The following CCAR1 variants were observed in gnomAD, a reference collection of about 807,000 sequenced individuals.
CCAR1 encodes cell division cycle and apoptosis regulator 1.
In CCAR1, 78 loss-of-function variants were observed where a neutral mutation model predicts 163.8. The ratio of observed to expected loss-of-function variants is 0.48; its 90% CI spans 0.40 to 0.57. The LOEUF (loss-of-function observed/expected upper bound fraction) is 0.57, where lower values mean the gene tolerates loss of function less well. Among genes scored for constraint, CCAR1 ranks in the 20% least tolerant of loss-of-function variants. The pLI is 0.00. For synonymous variants in CCAR1, 443 were observed against 460.7 expected (o/e 0.96, Z 0.49); for missense variants, 1,019 against 1,365.2 (o/e 0.75, Z 4.00).
intron 17 of CCAR1, among the ~76,000 whole-genome samples, chr10:68,769,412 G>GGAGTTCAA (rs2056573767): frequency 2.0e-5 from 3 of 152,258 alleles, no homozygotes; most frequent in Admixed American, 2.0e-4. Context: ...CCTGAGTTCA[G>GGAGTTCAA]GAGTTCAAGA....
rs965075391 is a variant in CCAR1, at chr10:68,787,248, C to T, written c.2880+556C>T. Among the ~76,000 whole-genome samples, 5 of 151,214 alleles carry T rather than the reference C, an allele frequency of 3.3e-5. No homozygotes were observed. In the East Asian group the frequency reaches 5.8e-4, roughly 17 times the overall value. ...AAACAAAACGTGGAATTATTCTGTA[C>T]GTTTTGACTGGCTTTTTTTTTTTCA... On this transcript the variant is annotated intron_variant, in intron 21 of 24. Transcript: ENST00000265872.
chr10:68,768,072 T>C (rs1399472854), intron 17 of CCAR1, among the ~76,000 whole-genome samples: 1 of 152,226 alleles, frequency 6.6e-6, no homozygotes, highest in Non-Finnish European at 1.5e-5. Context: ...AAATCAATCA[T>C]GCTTCTTTGA....
intron 19 of CCAR1, among the ~76,000 whole-genome samples, chr10:68,776,099 G>A (rs1373833612): frequency 6.6e-6 from 1 of 151,966 alleles, no homozygotes; most frequent in Non-Finnish European, 1.5e-5. Flanking sequence ...AAAGTGCTGG[G>A]TTTATAGGCA....
chr10:68,734,627 G>A (rs927048852), intron 2 of CCAR1, among the ~76,000 whole-genome samples: 3 of 152,012 alleles, frequency 2.0e-5, no homozygotes, highest in Admixed American at 6.6e-5. Flanking sequence ...AGCCTCCTGA[G>A]GTATAATTCA....
intron 15 of CCAR1, among the ~76,000 whole-genome samples, chr10:68,758,556 T>C (rs2056425038): frequency 6.7e-6 from 1 of 149,916 alleles, no homozygotes; most frequent in African/African-American, 2.5e-5. Context: ...ATACAGTGTA[T>C]ACATATATAT....
chr10:68,734,106 A>G (rs1305259014), intron 2 of CCAR1, among the ~76,000 whole-genome samples: 1 of 152,076 alleles, frequency 6.6e-6, no homozygotes, highest in African/African-American at 2.4e-5. Flanking sequence ...GACTTTTTAA[A>G]TAGTTGATGG....
intron 19 of CCAR1, among the ~76,000 whole-genome samples, chr10:68,781,504 C>G (rs977094414): frequency 1.3e-5 from 2 of 152,042 alleles, no homozygotes; most frequent in Non-Finnish European, 2.9e-5. Context: ...TCATGCCATA[C>G]GCTCCAGCCT....
At chr10:68,733,360 A>G (rs1289984766) in intron 2 of CCAR1, among the ~76,000 whole-genome samples, 1 of 152,144 alleles carries the variant, frequency 6.6e-6, no homozygotes, top group African/African-American at 2.4e-5. Flanking sequence ...GCAGTGAGCC[A>G]AGATTCTGCC....
chr10:68,761,897 C>T (rs1017957046), intron 16 of CCAR1, among the ~76,000 whole-genome samples: 2 of 152,126 alleles, frequency 1.3e-5, no homozygotes, highest in South Asian at 2.1e-4. Context: ...CCACTGTGCC[C>T]GGCCATGCAT....
chr10:68,723,001 T>A (rs1287631693), intron 2 of CCAR1, among the ~76,000 whole-genome samples: 1 of 152,184 alleles, frequency 6.6e-6, no homozygotes, highest in African/African-American at 2.4e-5. Context: ...TGTGAATTCA[T>A]TAACTTTCTC....
intron 15 of CCAR1, among the ~76,000 whole-genome samples, chr10:68,758,805 TGGGACTA>T (rs2056433021): frequency 6.6e-6 from 1 of 151,698 alleles, no homozygotes. Flanking sequence ...CCCGAGTAGC[TGGGACTA>T]CAGGCCTGTG....
chr10:68,728,723 G>C (rs765205200), intron 2 of CCAR1, among the ~76,000 whole-genome samples: 1 of 152,166 alleles, frequency 6.6e-6, no homozygotes, highest in African/African-American at 2.4e-5. Flanking sequence ...TGAGAGACCA[G>C]ACAGGTGGAT....
intron 19 of CCAR1, among the ~76,000 whole-genome samples, chr10:68,781,003 G>A (rs893491682): frequency 2.0e-5 from 3 of 152,150 alleles, no homozygotes; most frequent in South Asian, 2.1e-4. Context: ...AGGCTGAGGC[G>A]GGTGGATCAT....
intron 8 of CCAR1, among the ~76,000 whole-genome samples, 168 bp from the exon 9 acceptor site, chr10:68,748,968 G>A (rs1277387715): frequency 1.3e-5 from 2 of 152,080 alleles, no homozygotes; most frequent in Non-Finnish European, 2.9e-5. Flanking sequence ...GTGAGCCACC[G>A]CAGCCGGCCA....
At chr10:68,751,027 G>T (rs1213475093) in intron 10 of CCAR1, among the ~76,000 whole-genome samples, 11 of 146,592 alleles carry the variant, frequency 7.5e-5, no homozygotes, top group African/African-American at 1.0e-4. Context: ...TTTTTTTTTT[G>T]TTTTTGTTTT....
Position 68,733,335 on chromosome 10 carries a change from C to T in CCAR1, c.74-3541C>T, listed in dbSNP as rs376163741. Among the ~76,000 whole-genome samples, 12 of 152,080 alleles carry T rather than the reference C, an allele frequency of 7.9e-5. No individual in the cohort carries two copies. The East Asian group carries it at 9.7e-4, about 12-fold the overall frequency. On this transcript the variant is annotated intron_variant, in intron 2 of 24. Coordinates refer to ENST00000265872, the MANE Select transcript of CCAR1 (RefSeq NM_018237.4). ...CTGAGGGAGGAGGATCACCTGAGTT[C>T]GGGAGGTTGAGGTTGCAGTGAGCCA...
At position 68,747,581 on chromosome 10, in the gene CCAR1, G is replaced by A; in HGVS notation, c.826+15G>A. On this transcript the variant is annotated intron_variant, in intron 8 of 24. Transcript: ENST00000265872. Reference sequence around the variant, plus strand: ...TCAGCAAAAAGGTATCTTTGCTTTTGTTTCAGGCAAATGTATAACTTTTTA... The same window carrying A: ...TCAGCAAAAAGGTATCTTTGCTTTTATTTCAGGCAAATGTATAACTTTTTA... 1 of 1,602,820 alleles carries A rather than the reference G, an allele frequency of 6.2e-7. No homozygotes were observed. Among genetic ancestry groups the A allele is most frequent in the Non-Finnish European group, 8.5e-7 (1 of 1,172,190 alleles).
chr10:68,790,840 T>TA lies in CCAR1; in HGVS notation c.3394-360dup, dbSNP rs931878105. Among the ~76,000 whole-genome samples the TA allele has an allele frequency of 7.2e-4, 99 of 137,972 alleles. No individual in the cohort carries two copies. The East Asian group carries it at 0.02, about 27-fold the overall frequency. 90.5% of individuals were successfully genotyped at this position (137,972 alleles called of 152,430 possible). A position where few individuals can be genotyped will look rare whatever the true frequency, so the allele number is the denominator to read the frequency against. Reference sequence around the variant, plus strand: ...TAAAACCCCGTCTCTACTAAAAATATAAAAAAACTGCGAGACTCTGTCTCA... The same window carrying TA: ...TAAAACCCCGTCTCTACTAAAAATATAAAAAAAACTGCGAGACTCTGTCTCA... On this transcript the variant is annotated intron_variant, in intron 24 of 24. Transcript: ENST00000265872.
At chr10:68,764,848 T>C (rs562040393) in intron 16 of CCAR1, among the ~76,000 whole-genome samples, 14 of 152,348 alleles carry the variant, frequency 9.2e-5, no homozygotes, top group African/African-American at 3.4e-4. Flanking sequence ...ATCTGCCTTG[T>C]GGTGGTGTCT....
Sources: gnomAD v4.1 joint callset for allele counts (sites outside exome capture counted in the v4.1 genomes callset) on GRCh38, gnomAD v4.1.1 for gene constraint, MANE v1.5 for transcripts, NCBI Gene and HGNC (gene_info 2026-07-23, HGNC 2026-07-21) for gene names.